Variants in ZMAT5 observed in about 807,000 individuals in gnomAD.
ZMAT5 encodes the protein zinc finger matrin-type 5, also known as zinc finger matrin-type protein 5.
A neutral mutation model predicts 28.0 loss-of-function variants in ZMAT5; 23 were observed. The observed-to-expected ratio is 0.82, with a 90% confidence interval of 0.59 to 1.16. ZMAT5 has a LOEUF of 1.16. Ranked by LOEUF, ZMAT5 falls within the 50% of genes most tolerant of loss-of-function variation. The probability of loss-of-function intolerance (pLI) is 0.00; values close to 1 mark genes in which losing one functional copy is unlikely to be tolerated. For missense variants in ZMAT5, 173 were observed against 212.7 expected (o/e 0.81, Z 1.16); for synonymous variants, 76 against 84.1 (o/e 0.90, Z 0.52).
At chr22:29,750,746 G>A (rs2068048709) in intron 1 of ZMAT5, among the ~76,000 whole-genome samples, 1 of 152,188 alleles carries the variant, frequency 6.6e-6, no homozygotes, top group Non-Finnish European at 1.5e-5. Flanking sequence ...AGCAGCCAAA[G>A]CCCTGGACTC....
intron 1 of ZMAT5, among the ~76,000 whole-genome samples, chr22:29,760,702 G>A (rs1181434191): frequency 1.3e-5 from 2 of 152,180 alleles, no homozygotes; most frequent in African/African-American, 4.8e-5. Context: ...TGCAGCCTCT[G>A]CTGGGGACAG....
chr22:29,748,394 T>C, intron 2 of ZMAT5, 24 bp downstream of exon 2: 1 of 1,614,148 alleles, frequency 6.2e-7, no homozygotes. Context: ...TCCAGGAGCC[T>C]GGCCCCCAGC....
intron 2 of ZMAT5, among the ~76,000 whole-genome samples, chr22:29,744,841 T>G (rs1448284978): frequency 6.6e-6 from 1 of 152,252 alleles, no homozygotes; most frequent in Admixed American, 6.5e-5. Flanking sequence ...TCGGTGACTC[T>G]GAAGTGTACT....
At chr22:29,753,327 C>T (rs1319772355) in intron 1 of ZMAT5, among the ~76,000 whole-genome samples, 1 of 152,196 alleles carries the variant, frequency 6.6e-6, no homozygotes, top group Non-Finnish European at 1.5e-5. Context: ...GAGTTAGAGA[C>T]CAGCCTGGCC....
chr22:29,766,424 A>G (rs2068212736), intron 1 of ZMAT5, among the ~76,000 whole-genome samples: 1 of 152,224 alleles, frequency 6.6e-6, no homozygotes, highest in Non-Finnish European at 1.5e-5. Context: ...TGTTTGCTGT[A>G]CTGCATCTCC....
chr22:29,744,852 C>G (rs2067995390), intron 2 of ZMAT5, among the ~76,000 whole-genome samples: 1 of 152,240 alleles, frequency 6.6e-6, no homozygotes, highest in South Asian at 2.1e-4. Flanking sequence ...GAAGTGTACT[C>G]AGGGTTGAGA....
intron 1 of ZMAT5, among the ~76,000 whole-genome samples, chr22:29,755,410 AGAAAG>A (rs938961721): frequency 2.6e-5 from 4 of 151,574 alleles, no homozygotes; most frequent in Admixed American, 6.6e-5. Context: ...AAGAAAGAAA[AGAAAG>A]GAAAGAAAGA....
intron 1 of ZMAT5, chr22:29,758,951 AC>A (rs2068129737): frequency 6.6e-6 from 1 of 152,256 alleles, no homozygotes; most frequent in Non-Finnish European, 1.5e-5. Flanking sequence ...GGTTCCAGAG[AC>A]CTGGTTCACT....
intron 1 of ZMAT5, among the ~76,000 whole-genome samples, chr22:29,752,668 T>G (rs2147231125): frequency 6.6e-6 from 1 of 152,236 alleles, no homozygotes; most frequent in East Asian, 1.9e-4. Flanking sequence ...GCCTCTCTGG[T>G]TCTAATATCC....
At chr22:29,757,045 T>C (rs1466794557) in intron 1 of ZMAT5, among the ~76,000 whole-genome samples, 1 of 151,148 alleles carries the variant, frequency 6.6e-6, no homozygotes, top group African/African-American at 2.4e-5. Flanking sequence ...TCAAAAAATA[T>C]ATATATTTTT....
chr22:29,731,400 C>T (rs753105475), intron 5 of ZMAT5, 46 bp from the exon 6 acceptor site: 66 of 1,524,922 alleles, frequency 4.3e-5, no homozygotes, highest in Non-Finnish European at 5.7e-5. Context: ...GCACTACAGC[C>T]CAGGCTTATG....
Position 29,740,638 on chromosome 22 carries a change from C to T in ZMAT5, c.271+12G>A, listed in dbSNP as rs1441460358. On this transcript the variant is annotated intron_variant, in intron 4 of 5. Transcript: ENST00000344318. ...CCCACTCCCGCTTAGCCCAGGGCAT[C>T]CCGAGACGTACCCTCCACCTGGATG... 4.4e-6 allele frequency: 7 copies of T among 1,590,280 alleles called. No individual in the cohort carries two copies. Among genetic ancestry groups the T allele is most frequent in the Non-Finnish European group, 2.6e-6 (3 of 1,168,328 alleles).
intron 5 of ZMAT5, among the ~76,000 whole-genome samples, chr22:29,735,779 C>T (rs1423797423): frequency 2.0e-5 from 3 of 152,244 alleles, no homozygotes; most frequent in African/African-American, 4.8e-5. Context: ...CCACTTCAAC[C>T]TGTGACTAGG....
At chr22:29,755,368 G>GGGAGGGAGGGAGGGAGGGAGGGT (rs1569340083) in intron 1 of ZMAT5, among the ~76,000 whole-genome samples, 1 of 59,246 alleles carries the variant, frequency 1.7e-5, no homozygotes, top group Non-Finnish European at 2.9e-5. Flanking sequence ...GGAGGGAGGG[G>GGGAGGGAGGGAGGGAGGGAGGGT]GAGAGAGAGA....
intron 1 of ZMAT5, among the ~76,000 whole-genome samples, chr22:29,762,386 G>A (rs1301408406): frequency 6.6e-6 from 1 of 152,254 alleles, no homozygotes; most frequent in Non-Finnish European, 1.5e-5. Flanking sequence ...GGCCTGTCAG[G>A]AGCTGGGCCG....
chr22:29,740,790 G>A, intron 3 of ZMAT5, 60 bp from the exon 4 acceptor site: 1 of 1,497,412 alleles, frequency 6.7e-7, no homozygotes. Flanking sequence ...GGGGCTGAGG[G>A]GTGCCCAGAT....
At chr22:29,749,647 A>G (rs1264327542) in intron 1 of ZMAT5, among the ~76,000 whole-genome samples, 2 of 152,146 alleles carry the variant, frequency 1.3e-5, no homozygotes, top group Non-Finnish European at 2.9e-5. Context: ...ACCCTTTGAT[A>G]TGGTGAGGCT....
chr22:29,736,703 G>A (rs1379398343), intron 5 of ZMAT5, among the ~76,000 whole-genome samples: 13 of 121,250 alleles, frequency 1.1e-4, no homozygotes, highest in Non-Finnish European at 2.0e-4. Flanking sequence ...CTGGGTGACA[G>A]AGCGAGACTC....
chr22:29,759,695 A>G (rs1411479923), intron 1 of ZMAT5, among the ~76,000 whole-genome samples: 4 of 152,136 alleles, frequency 2.6e-5, no homozygotes, highest in Non-Finnish European at 5.9e-5. Context: ...ACTGGAGCCC[A>G]GGAGTCTGAA....
Sources: gnomAD v4.1 joint callset for allele counts (sites outside exome capture counted in the v4.1 genomes callset) on GRCh38, gnomAD v4.1.1 for gene constraint, MANE v1.5 for transcripts, NCBI Gene and HGNC (gene_info 2026-07-23, HGNC 2026-07-21) for gene names.